Variants in ANXA8 observed in about 807,000 individuals in gnomAD.
ANXA8 encodes VAC-beta.
Under a neutral mutation model 26.8 loss-of-function variants are expected in ANXA8, and 9 were observed. That is an observed-to-expected ratio of 0.34 (90% CI 0.20 to 0.59). The LOEUF is 0.59. Among genes scored for constraint, ANXA8 ranks in the 20% least tolerant of loss-of-function variants. The pLI, the probability that ANXA8 is intolerant of heterozygous loss-of-function variation, is 0.84. For missense variants in ANXA8, 83 were observed against 238.5 expected (o/e 0.35, Z 4.29); for synonymous variants, 39 against 94.8 (o/e 0.41, Z 3.42).
At chr10:47,571,079 T>C in the ANXA8 span, among the ~76,000 whole-genome samples, 8 of 144,632 alleles carry the variant, frequency 5.5e-5, no homozygotes, top group African/African-American at 2.1e-4. Context: ...ATGTTCAGCC[T>C]GTTAATAGCC....
the ANXA8 span, among the ~76,000 whole-genome samples, chr10:47,584,897 G>GGCCAACCAGCTTTC: frequency 7.0e-6 from 1 of 142,192 alleles, no homozygotes; most frequent in Non-Finnish European, 1.5e-5. Context: ...AGACCAGCCT[G>GGCCAACCAGCTTTC]GCCAACATGG....
At chr10:47,469,163 A>G (rs1839223594) in intron 11 of ANXA8, among the ~76,000 whole-genome samples, 1 of 147,098 alleles carries the variant, frequency 6.8e-6, no homozygotes, top group African/African-American at 2.5e-5. Context: ...AGACAGTTCC[A>G]CTCCTAAACA....
the ANXA8 span, among the ~76,000 whole-genome samples, chr10:47,623,283 G>A: frequency 3.6e-5 from 4 of 110,148 alleles, 2 homozygotes; most frequent in Non-Finnish European, 7.9e-5. Context: ...TTCCACTTAT[G>A]AGCTTGCTAC....
At chr10:47,761,085 AAC>A in the ANXA8 span, among the ~76,000 whole-genome samples, 7 of 120,724 alleles carry the variant, frequency 5.8e-5, no homozygotes, top group African/African-American at 2.1e-4. Flanking sequence ...CATACCAGGC[AAC>A]ACACACACAC....
the ANXA8 span, among the ~76,000 whole-genome samples, chr10:47,633,156 C>A: frequency 2.7e-5 from 4 of 149,260 alleles, no homozygotes; most frequent in Non-Finnish European, 5.9e-5. Context: ...CTGCCACTTA[C>A]CACGGCGGGA....
At chr10:47,945,045 A>G in the ANXA8 span, among the ~76,000 whole-genome samples, 3 of 150,444 alleles carry the variant, frequency 2.0e-5, no homozygotes, top group Non-Finnish European at 4.4e-5. Flanking sequence ...ACTCCCAGCT[A>G]GCCTGGAGTG....
chr10:47,937,331 T>C, the ANXA8 span, among the ~76,000 whole-genome samples: 1 of 149,666 alleles, frequency 6.7e-6, no homozygotes, highest in Non-Finnish European at 1.5e-5. Context: ...TCAGATTCCA[T>C]AGTAGTCAAA....
At chr10:47,724,428 G>T in the ANXA8 span, among the ~76,000 whole-genome samples, 886 of 141,210 alleles carry the variant, frequency 6.3e-3, 92 homozygotes, top group African/African-American at 0.022. Flanking sequence ...CCACTCCCCT[G>T]TCGTCCAGCA....
chr10:47,744,443 G>GTT, the ANXA8 span, among the ~76,000 whole-genome samples: 1 of 102,690 alleles, frequency 9.7e-6, no homozygotes, highest in Non-Finnish European at 2.1e-5. Flanking sequence ...GGGGGAAGAG[G>GTT]GGGGGCCTTG....
the ANXA8 span, among the ~76,000 whole-genome samples, chr10:47,977,402 T>C: frequency 1.3e-5 from 2 of 151,384 alleles, no homozygotes; most frequent in African/African-American, 4.8e-5. Context: ...GAAAAAAATA[T>C]GAGAAATACA....
the ANXA8 span, among the ~76,000 whole-genome samples, chr10:47,705,606 A>G: frequency 6.8e-6 from 1 of 147,762 alleles, no homozygotes; most frequent in Non-Finnish European, 1.5e-5. Flanking sequence ...AGGTTTTTGT[A>G]GAATGATGTG....
the ANXA8 span, among the ~76,000 whole-genome samples, chr10:47,713,024 T>C: frequency 1.3e-5 from 2 of 152,286 alleles, no homozygotes; most frequent in African/African-American, 4.8e-5. Flanking sequence ...GAACTCCTGA[T>C]CTCAGGTGAT....
At chr10:47,609,189 A>C in the ANXA8 span, among the ~76,000 whole-genome samples, 8 of 145,944 alleles carry the variant, frequency 5.5e-5, 1 homozygote, top group African/African-American at 2.2e-4. Flanking sequence ...AAACCAAAAA[A>C]GTAGTCCCTT....
chr10:47,648,010 C>A, the ANXA8 span, among the ~76,000 whole-genome samples: 1 of 151,860 alleles, frequency 6.6e-6, no homozygotes, highest in Non-Finnish European at 1.5e-5. Flanking sequence ...GAGTAAAAGC[C>A]TTCCTGAGCT....
chr10:47,606,399 T>TATTC, the ANXA8 span, among the ~76,000 whole-genome samples: 1 of 145,834 alleles, frequency 6.9e-6, no homozygotes, highest in Non-Finnish European at 1.5e-5. Context: ...TGGCACTGGG[T>TATTC]ATTCCCTCTG....
the ANXA8 span, among the ~76,000 whole-genome samples, chr10:47,619,253 C>A: frequency 2.7e-5 from 3 of 113,040 alleles, 1 homozygote; most frequent in African/African-American, 1.0e-4. Context: ...TATTCTACCC[C>A]AATCAACAGC....
At chr10:47,981,331 A>G in the ANXA8 span, among the ~76,000 whole-genome samples, 3 of 133,884 alleles carry the variant, frequency 2.2e-5, no homozygotes, top group African/African-American at 5.5e-5. Flanking sequence ...AAAAACCACA[A>G]CTGACATCAT....
chr10:47,554,675 T>G, the ANXA8 span, among the ~76,000 whole-genome samples: 1 of 151,228 alleles, frequency 6.6e-6, no homozygotes, highest in Non-Finnish European at 1.5e-5. Flanking sequence ...ATCAAAAAAC[T>G]AGGCCCACTC....
the ANXA8 span, among the ~76,000 whole-genome samples, chr10:47,554,170 A>G: frequency 4.1e-5 from 3 of 72,792 alleles, no homozygotes; most frequent in Admixed American, 1.6e-4. Context: ...GCGTCGTGGC[A>G]GGGCGCCTGT....
Sources: allele counts gnomAD v4.1 joint callset (sites outside exome capture counted in the v4.1 genomes callset), GRCh38; gene constraint gnomAD v4.1.1; transcripts MANE v1.5; gene names NCBI Gene and HGNC (gene_info 2026-07-23, HGNC 2026-07-21).